SYT16: variants seen among roughly 807,000 people sequenced by gnomAD.
SYT16 encodes the protein synaptotagmin-16.
Under a neutral mutation model 61.4 loss-of-function variants are expected in SYT16, and 42 were observed. The ratio of observed to expected loss-of-function variants is 0.68; its 90% CI spans 0.53 to 0.89. The LOEUF is 0.89. Among genes scored for constraint, SYT16 ranks in the 40% least tolerant of loss-of-function variants. SYT16 has a pLI of 0.00. For synonymous variants in SYT16, 314 were observed against 302.3 expected, an observed-to-expected ratio of 1.04 and a Z score of -0.40; for missense variants, 804 against 807.3, an observed-to-expected ratio of 1.00 and a Z score of 0.05.
intron 1 of SYT16, among the ~76,000 whole-genome samples, chr14:61,912,097 A>G (rs2048955686): frequency 6.6e-6 from 1 of 152,194 alleles, no homozygotes; most frequent in Non-Finnish European, 1.5e-5. Flanking sequence ...TGTGTCTTTA[A>G]GTTTTAATGC....
chr14:62,104,912 A>G lies in SYT16; in HGVS notation c.*4205A>G, dbSNP rs954370565. 7.2e-5 allele frequency: 11 copies of G among 152,226 alleles called. No homozygotes were observed. The highest frequency in any genetic ancestry group is 1.0e-4 in the Non-Finnish European group (7 of 68,036). The allele number at this position is 152,226 out of a possible 1,614,324, so 9.4% of individuals were successfully genotyped here. On this transcript the variant is annotated 3_prime_UTR_variant, in exon 8 of 8. Coordinates refer to ENST00000683842, the MANE Select transcript of SYT16 (RefSeq NM_001367656.1). ...GCCGGGCATGTAGTTAGCATTCCGTAGTTCCTCCTTACAGTCATGCCTGAA... is the reference window on the plus strand; with the variant it reads ...GCCGGGCATGTAGTTAGCATTCCGTGGTTCCTCCTTACAGTCATGCCTGAA...
At chr14:62,054,616 C>A (rs1218328334) in intron 3 of SYT16, among the ~76,000 whole-genome samples, 1 of 151,780 alleles carries the variant, frequency 6.6e-6, no homozygotes, top group African/African-American at 2.4e-5. Flanking sequence ...CCTGCCTTGG[C>A]CTCCCAAAGT....
rs1007745561 is a variant in SYT16, at chr14:62,111,329, C to T, written c.*10622C>T. ...TTTAGGAGATTTTCAGGAGATTTTA[C>T]CCTACATGGAGTACACTGTTCTTAG... is the stretch of plus-strand genomic sequence containing the variant. On this transcript the variant is annotated 3_prime_UTR_variant, in exon 8 of 8. Coordinates refer to ENST00000683842, the MANE Select transcript of SYT16 (RefSeq NM_001367656.1). The T allele has an allele frequency of 3.3e-5, 5 of 151,972 alleles. No individual in the cohort carries two copies. Among genetic ancestry groups the T allele is most frequent in the Non-Finnish European group, 1.5e-5 (1 of 67,912 alleles). 9.4% of individuals were successfully genotyped at this position (151,972 alleles called of 1,614,324 possible).
chr14:61,909,774 G>A (rs577950468), intron 1 of SYT16, among the ~76,000 whole-genome samples: 2 of 152,292 alleles, frequency 1.3e-5, no homozygotes, highest in South Asian at 4.1e-4. Flanking sequence ...GTAATGGCCC[G>A]AGTTAGCTGA....
intron 3 of SYT16, among the ~76,000 whole-genome samples, chr14:62,039,859 ACACACACACACACACACACG>A (rs1184487712): frequency 3.2e-4 from 44 of 137,998 alleles, no homozygotes; most frequent in South Asian, 2.8e-3. Flanking sequence ...ACACACACAC[ACACACACACACACACACACG>A]CACATACACA....
intron 2 of SYT16, among the ~76,000 whole-genome samples, chr14:61,986,292 A>G (rs1479415282): frequency 2.6e-5 from 4 of 152,004 alleles, no homozygotes; most frequent in Admixed American, 1.3e-4. Flanking sequence ...CTCCTATCAA[A>G]AGACTAATAA....
At chr14:61,999,909 G>A (rs1195211700) in intron 3 of SYT16, among the ~76,000 whole-genome samples, 1 of 151,566 alleles carries the variant, frequency 6.6e-6, no homozygotes, top group Non-Finnish European at 1.5e-5. Flanking sequence ...TATGGCTTGA[G>A]CACATACTTT....
chr14:61,879,853 G>C (rs2047634624), intron 1 of SYT16, among the ~76,000 whole-genome samples: 1 of 152,164 alleles, frequency 6.6e-6, no homozygotes, highest in South Asian at 2.1e-4. Context: ...TGGCAATCCT[G>C]CCATCTATCC....
chr14:61,991,321 G>GT (rs1359372783), intron 2 of SYT16, among the ~76,000 whole-genome samples: 2 of 105,438 alleles, frequency 1.9e-5, no homozygotes, highest in African/African-American at 3.8e-5. Flanking sequence ...CTTTTTTTCT[G>GT]TTTTTCATTT....
chr14:62,098,795 G>C (rs1028315460), intron 7 of SYT16, among the ~76,000 whole-genome samples: 1 of 152,212 alleles, frequency 6.6e-6, no homozygotes, highest in African/African-American at 2.4e-5. Context: ...TAAGTGCTGA[G>C]ACAGGCTAAA....
At position 62,084,303 on chromosome 14, in the gene SYT16, G is replaced by A. The variant is rs1027880448; in HGVS notation, c.1542G>A (p.Ser514=). 18 of 1,613,334 alleles carry A rather than the reference G, an allele frequency of 1.1e-5. No homozygotes were observed. The highest frequency in any genetic ancestry group is 3.3e-5 in the Admixed American group (2 of 59,878). Residue 514 remains serine (S), a synonymous_variant, in exon 7 of 8, where the codon TCG becomes TCA. Coordinates refer to ENST00000683842, the MANE Select transcript of SYT16 (RefSeq NM_001367656.1). ...CGCCAGAGCTGTTGGTGGGGCTCTC[G>A]TACAATGCCACAACGGGGCGATTAT... ...GGAPELLVGL[S]YNATTGRLSV...
At chr14:62,050,302 T>C (rs1157961823) in intron 3 of SYT16, among the ~76,000 whole-genome samples, 2 of 152,244 alleles carry the variant, frequency 1.3e-5, no homozygotes, top group Non-Finnish European at 2.9e-5. Context: ...ATAGTTCTCG[T>C]GCCATGGTTT....
At chr14:61,823,207 G>C (rs920450034) in intron 1 of SYT16, among the ~76,000 whole-genome samples, 8 of 152,000 alleles carry the variant, frequency 5.3e-5, no homozygotes, top group Admixed American at 5.2e-4. Flanking sequence ...TGGCCAGGCT[G>C]GTCTCGAACT....
chr14:62,040,779 A>G (rs1388562084), intron 3 of SYT16, among the ~76,000 whole-genome samples: 1 of 152,170 alleles, frequency 6.6e-6, no homozygotes, highest in Non-Finnish European at 1.5e-5. Context: ...TGGAGAGCAG[A>G]AAGTACCAAG....
Position 61,968,644 on chromosome 14 carries a change from C to T in SYT16, c.-324-1488C>T, listed in dbSNP as rs142192534. ...GTCAAGTGCCACATCAATTACTTTCCATGTGTTACCTCTGTTAATCTTTGA... is the reference window on the plus strand; with the variant it reads ...GTCAAGTGCCACATCAATTACTTTCTATGTGTTACCTCTGTTAATCTTTGA... On this transcript the variant is annotated intron_variant, in intron 1 of 7. Transcript: ENST00000683842. 1.6e-4 allele frequency among the ~76,000 whole-genome samples: 24 copies of T among 152,270 alleles called. No homozygotes were observed. The East Asian group carries it at 4.2e-3, about 27-fold the overall frequency.
At chr14:61,871,850 A>G (rs1864278937) in intron 1 of SYT16, among the ~76,000 whole-genome samples, 1 of 152,214 alleles carries the variant, frequency 6.6e-6, no homozygotes, top group Non-Finnish European at 1.5e-5. Flanking sequence ...TTTGTCCTCT[A>G]TGAAGTTTTT....
At chr14:61,959,672 C>T (rs1179122698) in intron 1 of SYT16, among the ~76,000 whole-genome samples, 1 of 152,186 alleles carries the variant, frequency 6.6e-6, no homozygotes, top group Non-Finnish European at 1.5e-5. Flanking sequence ...CACACTGCCA[C>T]TACAGTAGCA....
chr14:62,073,114 T>G (rs1439980677), intron 4 of SYT16, among the ~76,000 whole-genome samples: 3 of 152,196 alleles, frequency 2.0e-5, no homozygotes, highest in Non-Finnish European at 4.4e-5. Context: ...TCTAATTCAT[T>G]CCTTGCTTGT....
intron 1 of SYT16, among the ~76,000 whole-genome samples, chr14:61,835,727 A>G (rs1178247598): frequency 6.6e-6 from 1 of 152,148 alleles, no homozygotes; most frequent in Non-Finnish European, 1.5e-5. Context: ...CTCATTTAAT[A>G]TTTTGATGTT....
Sources: allele counts gnomAD v4.1 joint callset (sites outside exome capture counted in the v4.1 genomes callset), GRCh38; gene constraint gnomAD v4.1.1; transcripts MANE v1.5; gene names NCBI Gene and HGNC (gene_info 2026-07-23, HGNC 2026-07-21).